The following LHFPL3 variants were observed in gnomAD, a reference collection of about 807,000 sequenced individuals.
The protein encoded by LHFPL3 is LHFPL tetraspan subfamily member 3 protein.
In LHFPL3, 5 loss-of-function variants were observed where a neutral mutation model predicts 19.3. The ratio of observed to expected loss-of-function variants is 0.26; its 90% CI spans 0.14 to 0.54. The LOEUF is 0.54. Among genes scored for constraint, LHFPL3 ranks in the 20% least tolerant of loss-of-function variants. LHFPL3 has a pLI of 0.94. For synonymous variants in LHFPL3, 133 were observed against 126.2 expected, an observed-to-expected ratio of 1.05 and a Z score of -0.36; for missense variants, 249 against 307.4, an observed-to-expected ratio of 0.81 and a Z score of 1.42.
rs1791268710 is a variant in LHFPL3, at chr7:104,399,553, C to T, written c.445+70329C>T. On this transcript the variant is annotated intron_variant, in intron 1 of 2. Coordinates refer to ENST00000424859, the MANE Select transcript of LHFPL3 (RefSeq NM_199000.3). This position sits in a 1 kb window ranked among gnomAD's most constrained non-coding sequence, Gnocchi z 4.4. ...CTTGGCTCAGTGCAACCTCTGGCTC[C>T]TGGGTTCAAGGAATTCTCCTGCCTC... Among the ~76,000 whole-genome samples the T allele has an allele frequency of 6.6e-6, 1 of 151,556 alleles. No individual in the cohort carries two copies. The highest frequency in any genetic ancestry group is 1.5e-5 in the Non-Finnish European group (1 of 67,920).
chr7:104,508,258 A>G (rs1793739224), intron 1 of LHFPL3, among the ~76,000 whole-genome samples: 2 of 151,966 alleles, frequency 1.3e-5, no homozygotes. Flanking sequence ...GCACATATAC[A>G]CCATGGAATA....
Position 104,862,824 on chromosome 7 carries a change from C to T in LHFPL3, c.683-43363C>T, listed in dbSNP as rs949531903. Among the ~76,000 whole-genome samples, 11 of 152,156 alleles carry T rather than the reference C, an allele frequency of 7.2e-5. No homozygotes were observed. In the East Asian group the frequency reaches 1.7e-3, roughly 24 times the overall value. On this transcript the variant is annotated intron_variant, in intron 2 of 2. Coordinates refer to ENST00000424859, the MANE Select transcript of LHFPL3 (RefSeq NM_199000.3). ...AGCCTGATAAGTAACATTCATTCCA[C>T]GGGAGAGTCAAAGAGGTAAACCTGG... is the stretch of plus-strand genomic sequence containing the variant.
intron 2 of LHFPL3, among the ~76,000 whole-genome samples, chr7:104,823,718 C>G (rs962201478): frequency 1.3e-5 from 2 of 152,234 alleles, no homozygotes; most frequent in South Asian, 2.1e-4. Flanking sequence ...CTTGACGGAG[C>G]CTTTCAATTT....
At chr7:104,826,782 C>G (rs1023669359) in intron 2 of LHFPL3, 1 of 158,720 alleles carries the variant, frequency 6.3e-6, no homozygotes, top group African/African-American at 2.4e-5. Flanking sequence ...TATGCTCACT[C>G]TCACTGGCTT....
At chr7:104,866,868 T>C (rs925581188) in intron 2 of LHFPL3, among the ~76,000 whole-genome samples, 9 of 152,026 alleles carry the variant, frequency 5.9e-5, no homozygotes, top group South Asian at 2.1e-4. Context: ...GAAATTATAA[T>C]AAACTGTCTC....
chr7:104,791,560 G>GA (rs1252808391), intron 2 of LHFPL3, among the ~76,000 whole-genome samples: 1 of 152,138 alleles, frequency 6.6e-6, no homozygotes, highest in African/African-American at 2.4e-5. Context: ...AATGGATCTA[G>GA]AAAAATAGTG....
chr7:104,737,652 A>C (rs371052458), intron 2 of LHFPL3, among the ~76,000 whole-genome samples: 7 of 152,276 alleles, frequency 4.6e-5, no homozygotes, highest in Middle Eastern at 3.4e-3. Flanking sequence ...AGATTTCTAA[A>C]CCAATTTTTT....
chr7:104,633,067 T>C (rs1414272395), intron 1 of LHFPL3, among the ~76,000 whole-genome samples: 1 of 152,142 alleles, frequency 6.6e-6, no homozygotes, highest in African/African-American at 2.4e-5. Context: ...AGGGTGATGG[T>C]GATGAGAATG....
Position 104,670,776 on chromosome 7 carries a change from T to A in LHFPL3, c.446-65899T>A, listed in dbSNP as rs1010043688. On this transcript the variant is annotated intron_variant, in intron 1 of 2. Transcript: ENST00000424859. ...GAGCCTTTCTTACAACCTTGATGGGTTTTTTTCCCCCCAAGTTTCCTTCTC... is the reference window on the plus strand; with the variant it reads ...GAGCCTTTCTTACAACCTTGATGGGATTTTTTCCCCCCAAGTTTCCTTCTC... Among the ~76,000 whole-genome samples, 15 of 152,116 alleles carry A rather than the reference T, an allele frequency of 9.9e-5. 1 individual carries two copies. Among genetic ancestry groups the A allele is most frequent in the African/African-American group, 3.1e-4 (13 of 41,500 alleles).
chr7:104,644,854 G>A (rs7805421), intron 1 of LHFPL3, among the ~76,000 whole-genome samples: 4,598 of 152,212 alleles, frequency 0.03, 233 homozygotes, highest in African/African-American at 0.11. Context: ...GGAGGCCCAA[G>A]CTTCATGCCA....
At chr7:104,862,301 G>C (rs1791631500) in intron 2 of LHFPL3, among the ~76,000 whole-genome samples, 1 of 152,028 alleles carries the variant, frequency 6.6e-6, no homozygotes, top group Admixed American at 6.6e-5. Flanking sequence ...GATGAAATGG[G>C]GTGAAAATGA....
intron 1 of LHFPL3, among the ~76,000 whole-genome samples, chr7:104,426,921 A>G (rs117829515): frequency 0.025 from 3,777 of 152,284 alleles, 82 homozygotes; most frequent in Non-Finnish European, 0.036. Context: ...TCATACTGTC[A>G]CTGCCACCCG....
intron 2 of LHFPL3, among the ~76,000 whole-genome samples, chr7:104,750,508 T>C (rs1410185339): frequency 6.6e-6 from 1 of 152,258 alleles, no homozygotes; most frequent in Non-Finnish European, 1.5e-5. Context: ...TTCGCCTTTA[T>C]AGTCTGAATC....
intron 2 of LHFPL3, among the ~76,000 whole-genome samples, chr7:104,850,299 T>G (rs899179009): frequency 6.6e-6 from 1 of 152,194 alleles, no homozygotes; most frequent in Non-Finnish European, 1.5e-5. Flanking sequence ...TGAAACTCCG[T>G]CACAAAAAAT....
intron 2 of LHFPL3, among the ~76,000 whole-genome samples, chr7:104,858,003 T>C (rs1383870831): frequency 2.0e-5 from 3 of 152,210 alleles, no homozygotes; most frequent in Non-Finnish European, 2.9e-5. Flanking sequence ...CCAGGTTACT[T>C]CCTGCTATGA....
intron 1 of LHFPL3, among the ~76,000 whole-genome samples, chr7:104,373,265 A>G (rs1235426331): frequency 6.6e-6 from 1 of 152,210 alleles, no homozygotes; most frequent in Non-Finnish European, 1.5e-5. Context: ...TTTAATTGGA[A>G]AAGATATAAA....
intron 1 of LHFPL3, among the ~76,000 whole-genome samples, chr7:104,624,856 T>C (rs1454031695): frequency 2.0e-5 from 3 of 152,228 alleles, no homozygotes; most frequent in African/African-American, 7.2e-5. Context: ...AAGAGATATT[T>C]ATCTCCAGAG....
At chr7:104,729,157 A>C (rs1023580822) in intron 1 of LHFPL3, among the ~76,000 whole-genome samples, 3 of 152,204 alleles carry the variant, frequency 2.0e-5, no homozygotes, top group Admixed American at 6.5e-5. Context: ...CTTACTAAAA[A>C]TGAAATCAAA....
chr7:104,344,843 A>G (rs1237288902), intron 1 of LHFPL3, among the ~76,000 whole-genome samples: 1 of 151,608 alleles, frequency 6.6e-6, no homozygotes, highest in Admixed American at 6.6e-5. Context: ...AAGTATTTTC[A>G]TGAGTAAAAT....
Sources: allele counts gnomAD v4.1 joint callset (sites outside exome capture counted in the v4.1 genomes callset), GRCh38; gene constraint gnomAD v4.1.1; non-coding constraint Gnocchi (gnomAD v3.1); transcripts MANE v1.5; gene names NCBI Gene and HGNC (gene_info 2026-07-23, HGNC 2026-07-21).